TRAF5: variants seen among roughly 807,000 people sequenced by gnomAD.
The protein encoded by TRAF5 is TNF receptor-associated factor 5.
Under a neutral mutation model 64.5 loss-of-function variants are expected in TRAF5, and 48 were observed. The ratio of observed to expected loss-of-function variants is 0.74; its 90% CI spans 0.59 to 0.95. The LOEUF (loss-of-function observed/expected upper bound fraction) is 0.95. Among genes scored for constraint, TRAF5 ranks in the 40% least tolerant of loss-of-function variants. TRAF5 has a pLI of 0.00. For synonymous variants in TRAF5, 206 were observed against 240.5 expected (o/e 0.86, Z 1.33); for missense variants, 545 against 662.8 (o/e 0.82, Z 1.95).
chr1:211,354,427 C>T lies in TRAF5; in HGVS notation c.236C>T (p.Pro79Leu). 1 of 1,614,106 alleles carries T rather than the reference C, an allele frequency of 6.2e-7. No individual in the cohort carries two copies. The highest frequency in any genetic ancestry group is 1.3e-5 in the African/African-American group (1 of 75,022). ...TTCTCCAGAGAATTAAACACAGTGC[C>T]AATCTGCCCTGTAGATAAAGAGGTC... is the stretch of plus-strand genomic sequence containing the variant. ...ILSLRELNTV[P>L]ICPVDKEVIK... Residue 79 changes from proline to leucine, a missense_variant, in exon 3 of 11, where the codon CCA becomes CTA. Physicochemically the swap from Pro to Leu is moderately conservative, Grantham distance 98 (BLOSUM62 -3). Coordinates refer to ENST00000261464, the MANE Select transcript of TRAF5 (RefSeq NM_001033910.3).
intron 4 of TRAF5, 95 bp from the exon 5 acceptor site, chr1:211,359,817 C>T: frequency 6.7e-7 from 1 of 1,487,748 alleles, no homozygotes; most frequent in Non-Finnish European, 9.2e-7. Context: ...CCCAGCTGCC[C>T]ACCCTGTTCT....
chr1:211,361,234 CTG>C (rs1703170010), intron 7 of TRAF5, 72 bp downstream of exon 7: 1 of 1,367,412 alleles, frequency 7.3e-7, no homozygotes, highest in South Asian at 1.2e-5. Flanking sequence ...AGTTTACTCT[CTG>C]TTCCATCGAG....
At chr1:211,342,911 T>C (rs562673697) in intron 1 of TRAF5, among the ~76,000 whole-genome samples, 1 of 152,330 alleles carries the variant, frequency 6.6e-6, no homozygotes, top group Admixed American at 6.5e-5. Context: ...GATGCTTAGG[T>C]TGCTTCCAGA....
In TRAF5 at chr1:211,338,575, C is replaced by T. The variant is rs186800311; in HGVS notation, c.-2+11686C>T. Among the ~76,000 whole-genome samples the T allele has an allele frequency of 3.8e-3, 581 of 152,288 alleles. 3 individuals are homozygous for T. The highest frequency in any genetic ancestry group is 6.0e-3 in the South Asian group (29 of 4,830). On this transcript the variant is annotated intron_variant, in intron 1 of 10. Coordinates refer to ENST00000261464, the MANE Select transcript of TRAF5 (RefSeq NM_001033910.3). ...CCAGGAATTGTGTGATAATAATTTA[C>T]GTGGATTAATTCATTTAATCTTAAC...
chr1:211,343,856 G>T (rs1297136429), intron 1 of TRAF5, among the ~76,000 whole-genome samples: 2 of 152,176 alleles, frequency 1.3e-5, no homozygotes, highest in Admixed American at 6.5e-5. Flanking sequence ...ACTAATGGGA[G>T]CTCGAGGAAC....
intron 1 of TRAF5, among the ~76,000 whole-genome samples, chr1:211,335,833 G>A (rs1702275171): frequency 6.6e-6 from 1 of 152,210 alleles, no homozygotes; most frequent in South Asian, 2.1e-4. Flanking sequence ...TCCAGGAGAG[G>A]TGGAGGACAG....
chr1:211,351,202 A>G (rs1198184665), intron 1 of TRAF5, among the ~76,000 whole-genome samples: 1 of 151,382 alleles, frequency 6.6e-6, no homozygotes, highest in Non-Finnish European at 1.5e-5. Flanking sequence ...AATTTTTTGT[A>G]TTTTTAGTAG....
At position 211,360,789 on chromosome 1, in the gene TRAF5, AAT is replaced by A. The variant is rs760659660; in HGVS notation, c.621+12_621+13del. On this transcript the variant is annotated intron_variant, in intron 6 of 10. Transcript: ENST00000261464. ...TATTCTAAAAACTGAGGTAACTGCA[AAT>A]AATCCTCTCTGTAGATTTTATGGAA... 26 of 1,605,070 alleles carry A rather than the reference AAT, an allele frequency of 1.6e-5. 1 individual carries two copies. In the South Asian group the frequency reaches 2.9e-4, roughly 18 times the overall value.
Position 211,371,455 on chromosome 1 carries a change from A to G in TRAF5, c.1084A>G (p.Asn362Asp), listed in dbSNP as rs1703518461. 6.2e-7 allele frequency: 1 copy of G among 1,608,158 alleles called. No individual in the cohort carries two copies. The highest frequency in any genetic ancestry group is 8.5e-7 in the Non-Finnish European group (1 of 1,178,798). ...VKQKITLLEN[N>D]DQRLAVLEEE... ...ACAGAAAATTACCCTGCTAGAAAAC[A>G]ATGATCAAAGATTAGGTATGTCTGA... Residue 362 changes from asparagine (N) to aspartate (D), a missense_variant, in exon 10 of 11, where the codon AAT becomes GAT. By Grantham distance (23) the Asn-to-Asp change is conservative. Transcript: ENST00000261464.
intron 1 of TRAF5, among the ~76,000 whole-genome samples, chr1:211,338,014 C>CCCACT (rs1286396207): frequency 6.6e-6 from 1 of 152,048 alleles, no homozygotes; most frequent in Non-Finnish European, 1.5e-5. Context: ...GACGTGCTCA[C>CCCACT]CCAGAGAATG....
At chr1:211,361,250 G>A in intron 7 of TRAF5, 88 bp downstream of exon 7, 1 of 1,209,304 alleles carries the variant, frequency 8.3e-7, no homozygotes, top group Non-Finnish European at 1.2e-6. Flanking sequence ...CATCGAGGAT[G>A]GAGAAAGACA....
chr1:211,362,060 C>T (rs1219310838), intron 7 of TRAF5, among the ~76,000 whole-genome samples: 1 of 150,408 alleles, frequency 6.6e-6, no homozygotes, highest in Non-Finnish European at 1.5e-5. Context: ...TTACTCCTCT[C>T]ATGATTACAA....
intron 1 of TRAF5, among the ~76,000 whole-genome samples, chr1:211,332,282 C>A (rs1032800107): frequency 3.9e-5 from 6 of 152,232 alleles, no homozygotes; most frequent in African/African-American, 1.4e-4. Flanking sequence ...CAAGCTCTGG[C>A]TTGATAGCCA....
intron 1 of TRAF5, among the ~76,000 whole-genome samples, chr1:211,340,813 T>A (rs930266190): frequency 2.6e-5 from 4 of 152,266 alleles, no homozygotes; most frequent in African/African-American, 9.6e-5. Context: ...GGATTACCAA[T>A]AAGTAGCGTG....
chr1:211,369,628 G>T, intron 9 of TRAF5, 36 bp downstream of exon 9: 3 of 1,512,364 alleles, frequency 2.0e-6, no homozygotes, highest in South Asian at 1.4e-5. Flanking sequence ...GCCAAGATTT[G>T]GCTTTCAATT....
intron 1 of TRAF5, among the ~76,000 whole-genome samples, chr1:211,352,418 C>T (rs1702812812): frequency 7.3e-6 from 1 of 136,166 alleles, no homozygotes; most frequent in African/African-American, 2.9e-5. Flanking sequence ...GGTGGGGACA[C>T]AGCCAAACCA....
At chr1:211,336,554 G>A (rs6674597) in intron 1 of TRAF5, among the ~76,000 whole-genome samples, 4,556 of 152,328 alleles carry the variant, frequency 0.03, 221 homozygotes, top group African/African-American at 0.1. Context: ...AGTGAGAAGC[G>A]TGCTTAGCAG....
At chr1:211,339,455 G>C (rs144344602) in intron 1 of TRAF5, among the ~76,000 whole-genome samples, 1 of 152,262 alleles carries the variant, frequency 6.6e-6, no homozygotes, top group East Asian at 1.9e-4. Context: ...CATGAAACTC[G>C]GTTTGGTAAG....
chr1:211,330,369 CT>C (rs60881478), intron 1 of TRAF5, among the ~76,000 whole-genome samples: 4,942 of 144,026 alleles, frequency 0.034, 92 homozygotes, highest in South Asian at 0.073. Flanking sequence ...TTTTCCATGG[CT>C]TTTTTTTTTT....
Sources: allele counts gnomAD v4.1 joint callset (sites outside exome capture counted in the v4.1 genomes callset), GRCh38; gene constraint gnomAD v4.1.1; transcripts MANE v1.5; gene names NCBI Gene and HGNC (gene_info 2026-07-23, HGNC 2026-07-21).